Variants in MAPRE2 observed in about 807,000 individuals in gnomAD.
MAPRE2 encodes the protein microtubule associated protein RP/EB family member 2.
A neutral mutation model predicts 43.2 loss-of-function variants in MAPRE2; 13 were observed. The observed-to-expected ratio is 0.30, with a 90% CI of 0.20 to 0.48. The LOEUF (loss-of-function observed/expected upper bound fraction) is 0.48, where lower values mean the gene tolerates loss of function less well. MAPRE2 is among the 20% of genes least tolerant of loss of function. The pLI, the probability that MAPRE2 is intolerant of heterozygous loss-of-function variation, is 0.99. For missense variants in MAPRE2, 161 were observed against 400.2 expected (o/e 0.40, Z 5.10); for synonymous variants, 135 against 148.8 (o/e 0.91, Z 0.68).
chr18:35,078,179 C>T (rs1907464611), intron 2 of MAPRE2, among the ~76,000 whole-genome samples: 2 of 152,266 alleles, frequency 1.3e-5, no homozygotes, highest in East Asian at 3.9e-4. Context: ...TGTTTTTCCA[C>T]AGATGAACTG....
chr18:35,132,166 C>T lies in MAPRE2; in HGVS notation c.885C>T (p.Asp295=), dbSNP rs776201249. 1.9e-6 allele frequency: 3 copies of T among 1,614,138 alleles called. No individual in the cohort carries two copies. Among genetic ancestry groups the T allele is most frequent in the Non-Finnish European group, 2.5e-6 (3 of 1,180,002 alleles). ...ENDDLVQRLM[D]ILYASEEHEG... ...ATGACCTCGTGCAGAGACTAATGGA[C>T]ATCCTGTATGCTTCAGAAGAACACG... The change falls in exon 6 of 7, where the codon GAC becomes GAT. Residue 295 remains aspartate (D), a synonymous_variant. Coordinates refer to ENST00000300249, the MANE Select transcript of MAPRE2 (RefSeq NM_014268.4).
At chr18:35,079,983 G>A (rs1907555058) in intron 2 of MAPRE2, among the ~76,000 whole-genome samples, 1 of 152,222 alleles carries the variant, frequency 6.6e-6, no homozygotes, top group South Asian at 2.1e-4. Flanking sequence ...AATACTTCAA[G>A]TAATAAGTGC....
intron 2 of MAPRE2, among the ~76,000 whole-genome samples, chr18:35,079,580 A>G (rs1469297753): frequency 6.6e-6 from 1 of 152,190 alleles, no homozygotes; most frequent in East Asian, 1.9e-4. Flanking sequence ...CTTTTTCCAT[A>G]TAGCCATTCT....
chr18:34,983,227 A>G (rs2097017305), intron 1 of MAPRE2, among the ~76,000 whole-genome samples: 1 of 152,266 alleles, frequency 6.6e-6, no homozygotes, highest in Non-Finnish European at 1.5e-5. Flanking sequence ...ATCACTAAAA[A>G]TAAAAGATAG....
chr18:34,980,457 G>T (rs139962342), intron 1 of MAPRE2, among the ~76,000 whole-genome samples: 28 of 152,084 alleles, frequency 1.8e-4, no homozygotes, highest in Non-Finnish European at 2.8e-4. Context: ...TCTCATAGGG[G>T]CCTCAGTGTC....
At chr18:35,019,121 T>A (rs1318993592) in intron 2 of MAPRE2, among the ~76,000 whole-genome samples, 2 of 152,012 alleles carry the variant, frequency 1.3e-5, no homozygotes, top group Non-Finnish European at 2.9e-5. Context: ...TTGTTTAACT[T>A]CCATATTATG....
chr18:35,044,309 C>A (rs1478283753), intron 1 of MAPRE2, among the ~76,000 whole-genome samples: 2 of 152,240 alleles, frequency 1.3e-5, no homozygotes, highest in African/African-American at 4.8e-5. Flanking sequence ...CTGCTCACTG[C>A]AACCTCCGCC....
intron 5 of MAPRE2, among the ~76,000 whole-genome samples, chr18:35,128,579 G>A (rs1166544634): frequency 6.6e-6 from 1 of 152,168 alleles, no homozygotes; most frequent in Non-Finnish European, 1.5e-5. Flanking sequence ...AAAGTATACA[G>A]GAGTATGTGC....
chr18:35,047,556 T>C (rs889571619), intron 1 of MAPRE2, among the ~76,000 whole-genome samples: 1 of 152,128 alleles, frequency 6.6e-6, no homozygotes, highest in African/African-American at 2.4e-5. Flanking sequence ...TATGCAACAT[T>C]TACCTTATAG....
intron 1 of MAPRE2, among the ~76,000 whole-genome samples, chr18:35,059,791 G>A (rs528823023): frequency 2.6e-5 from 4 of 152,280 alleles, no homozygotes; most frequent in South Asian, 2.1e-4. Context: ...CTGCTCTTCC[G>A]TGGCATGAGG....
At chr18:35,015,484 C>T (rs1252969736) in intron 2 of MAPRE2, among the ~76,000 whole-genome samples, 2 of 152,060 alleles carry the variant, frequency 1.3e-5, no homozygotes, top group Non-Finnish European at 2.9e-5. Context: ...TTGTTCAAGG[C>T]ATATAGTTAG....
intron 2 of MAPRE2, among the ~76,000 whole-genome samples, chr18:35,016,520 A>G (rs2097038359): frequency 6.6e-6 from 1 of 152,062 alleles, no homozygotes; most frequent in African/African-American, 2.4e-5. Flanking sequence ...GTGAGATGGC[A>G]TCTCATTGTG....
At chr18:35,011,043 C>G (rs2097034328) in intron 2 of MAPRE2, among the ~76,000 whole-genome samples, 1 of 152,110 alleles carries the variant, frequency 6.6e-6, no homozygotes, top group East Asian at 1.9e-4. Context: ...CATCACTGTT[C>G]AGGGGCAGAG....
intron 4 of MAPRE2, among the ~76,000 whole-genome samples, chr18:35,117,380 A>G (rs1201747493): frequency 2.6e-5 from 4 of 152,182 alleles, no homozygotes; most frequent in African/African-American, 9.7e-5. Flanking sequence ...CATCGGAAAA[A>G]CAACCGCAAA....
At chr18:35,041,285 C>G (rs369849637), upstream of MAPRE2, 1 of 1,374,928 alleles carries the variant, frequency 7.3e-7, no homozygotes, top group Non-Finnish European at 9.4e-7. Context: ...CGAATTGAGG[C>G]GAGGTGATGA....
At chr18:35,139,950 G>T (rs1910555601) in intron 6 of MAPRE2, among the ~76,000 whole-genome samples, 1 of 152,204 alleles carries the variant, frequency 6.6e-6, no homozygotes, top group African/African-American at 2.4e-5. Context: ...TTGTCATGAT[G>T]CTCTTGGATC....
At chr18:35,020,985 T>A (rs1485683357) in intron 2 of MAPRE2, among the ~76,000 whole-genome samples, 1 of 152,144 alleles carries the variant, frequency 6.6e-6, no homozygotes, top group Non-Finnish European at 1.5e-5. Context: ...CCTGGAATGT[T>A]CAAAAAGACT....
intron 1 of MAPRE2, among the ~76,000 whole-genome samples, chr18:35,058,071 A>G (rs1410386990): frequency 1.3e-5 from 2 of 152,212 alleles, no homozygotes; most frequent in Non-Finnish European, 2.9e-5. Context: ...AACTGAACCC[A>G]AGGAGTTAAG....
At position 35,127,046 on chromosome 18, in the gene MAPRE2, G is replaced by A. The variant is rs1195269032; in HGVS notation, c.709G>A (p.Asp237Asn). The change falls in exon 5 of 7, where the codon GAT becomes AAT. Residue 237 changes from aspartate (D) to asparagine (N), a missense_variant. Around this residue, in one of 2 missense-constraint regions of MAPRE2, gnomAD observed 96 missense variants for 153.3 expected, o/e 0.63. Transcript: ENST00000300249. ...ASSSGSASKS[D>N]KDLETQVIQL... ...TTCCAGTGGCTCAGCATCCAAATCC[G>A]ATAAAGATTTAGAAACGCAGGTCAT... 2.5e-6 allele frequency: 4 copies of A among 1,614,028 alleles called. No individual in the cohort carries two copies. Among genetic ancestry groups the A allele is most frequent in the Admixed American group, 1.7e-5 (1 of 59,996 alleles).
Sources: gnomAD v4.1 joint callset for allele counts (sites outside exome capture counted in the v4.1 genomes callset) on GRCh38, gnomAD v4.1.1 for gene constraint, gnomAD v4.1.1 regional missense constraint, MANE v1.5 for transcripts, NCBI Gene and HGNC (gene_info 2026-07-23, HGNC 2026-07-21) for gene names.